The following ME2 variants were observed in gnomAD, a reference collection of about 807,000 sequenced individuals.
ME2 encodes the protein malic enzyme 2.
A neutral mutation model predicts 73.7 loss-of-function variants in ME2; 60 were observed. The observed-to-expected ratio is 0.81, with a 90% CI of 0.66 to 1.01. The LOEUF (loss-of-function observed/expected upper bound fraction) is 1.01, where lower values mean the gene tolerates loss of function less well. Ranked by LOEUF, ME2 falls within the 50% of genes least tolerant of loss-of-function variation. ME2 has a pLI of 0.00. For synonymous variants in ME2, 199 were observed against 236.9 expected, an observed-to-expected ratio of 0.84 and a Z score of 1.47; for missense variants, 594 against 705.5, an observed-to-expected ratio of 0.84 and a Z score of 1.79.
chr18:50,905,912 C>T (rs1438407774), intron 2 of ME2, among the ~76,000 whole-genome samples: 1 of 152,166 alleles, frequency 6.6e-6, no homozygotes, highest in Non-Finnish European at 1.5e-5. Flanking sequence ...TAACCTAAAC[C>T]AGCCTTTTCA....
intron 1 of ME2, among the ~76,000 whole-genome samples, chr18:50,881,226 A>C (rs1003027562): frequency 2.0e-5 from 3 of 152,042 alleles, no homozygotes; most frequent in African/African-American, 7.2e-5. Flanking sequence ...GAGTAGAGAC[A>C]GGGTTTCACC....
At chr18:50,905,676 T>G (rs568445170) in intron 2 of ME2, among the ~76,000 whole-genome samples, 1 of 152,324 alleles carries the variant, frequency 6.6e-6, no homozygotes, top group South Asian at 2.1e-4. Context: ...ATAGGCAGGT[T>G]TAAATTTTTT....
rs148473421 is a variant in ME2 at position 50,917,518 on chromosome 18, A to G, written c.630+10A>G. 3 of 1,547,994 alleles carry G rather than the reference A, an allele frequency of 1.9e-6. No individual in the cohort carries two copies. Among genetic ancestry groups the G allele is most frequent in the South Asian group, 1.3e-5 (1 of 79,996 alleles). On this transcript the variant is annotated intron_variant, in intron 6 of 15. Coordinates refer to ENST00000321341, the MANE Select transcript of ME2 (RefSeq NM_002396.5). ...GGGAACTGATAATATCGTGAGTAAC[A>G]TCATTTTCCCCCTTTATCTTCCTCC...
chr18:50,890,681 C>T (rs970248732), intron 1 of ME2, among the ~76,000 whole-genome samples: 2 of 152,224 alleles, frequency 1.3e-5, no homozygotes, highest in African/African-American at 4.8e-5. Flanking sequence ...TTCTTATAAC[C>T]TTCCTCACCA....
At chr18:50,920,382 T>C in intron 7 of ME2, 74 bp from the exon 8 acceptor site, 2 of 1,011,524 alleles carry the variant, frequency 2.0e-6, no homozygotes, top group Admixed American at 2.6e-5. Flanking sequence ...AATGCTATCA[T>C]AGGGAATATT....
At chr18:50,929,372 C>G (rs1917638529) in intron 12 of ME2, among the ~76,000 whole-genome samples, 1 of 151,336 alleles carries the variant, frequency 6.6e-6, no homozygotes, top group Admixed American at 6.6e-5. Flanking sequence ...ACCTGTAGTC[C>G]CAGCTACTCA....
At chr18:50,936,109 GA>G (rs1424186240) in intron 13 of ME2, among the ~76,000 whole-genome samples, 1 of 151,996 alleles carries the variant, frequency 6.6e-6, no homozygotes, top group Middle Eastern at 3.2e-3. Context: ...ACAAAGAGAA[GA>G]ATATGAAAGC....
intron 6 of ME2, among the ~76,000 whole-genome samples, chr18:50,917,895 C>A (rs1917321505): frequency 6.6e-6 from 1 of 151,640 alleles, no homozygotes; most frequent in Admixed American, 6.6e-5. Flanking sequence ...TGCTTGAATG[C>A]AAAAGACAGA....
In ME2 at chr18:50,953,188, C is replaced by T. The variant is rs1409770755; in HGVS notation, c.*6004C>T. On this transcript the variant is annotated 3_prime_UTR_variant, in exon 16 of 16. Coordinates refer to ENST00000321341, the MANE Select transcript of ME2 (RefSeq NM_002396.5). ...AATCTCAGCTCACTGCAAGCTCCGCCTCCCGGGTTATGCCATTCTCCTGCC... is the reference window on the plus strand; with the variant it reads ...AATCTCAGCTCACTGCAAGCTCCGCTTCCCGGGTTATGCCATTCTCCTGCC... 6.6e-6 allele frequency: 1 copy of T among 152,044 alleles called. No individual in the cohort carries two copies. The highest frequency in any genetic ancestry group is 2.4e-5 in the African/African-American group (1 of 41,348). 9.4% of individuals were successfully genotyped at this position (152,044 alleles called of 1,614,324 possible). A position where few individuals can be genotyped will look rare whatever the true frequency, so the allele number is the denominator to read the frequency against.
Position 50,884,465 on chromosome 18 carries a change from A to C in ME2, c.-13+5157A>C, listed in dbSNP as rs564398229. Among the ~76,000 whole-genome samples the C allele has an allele frequency of 7.9e-5, 12 of 152,292 alleles. No homozygotes were observed. In the South Asian group the frequency reaches 2.5e-3, roughly 32 times the overall value. ...TGAGTTCAAGCAATTCTCCTGCTTC[A>C]GCCTCCCGAGTAGCTGGGACTACAG... On this transcript the variant is annotated intron_variant, in intron 1 of 15. Transcript: ENST00000321341.
intron 2 of ME2, among the ~76,000 whole-genome samples, chr18:50,905,563 G>T (rs549198802): frequency 1.3e-5 from 2 of 152,260 alleles, no homozygotes; most frequent in Non-Finnish European, 2.9e-5. Context: ...GGCACAGCTT[G>T]GTTTTGTACA....
Position 50,921,054 on chromosome 18 carries a change from A to AT in ME2, c.943-17dup. Reference sequence around the variant, plus strand: ...GCATCGTACTCTAGTATATATTAAAATTTATGTTTTGTTGAACAGGCTGCT... The same window carrying AT: ...GCATCGTACTCTAGTATATATTAAAATTTTATGTTTTGTTGAACAGGCTGCT... On this transcript the variant is annotated intron_variant, in intron 9 of 15. Transcript: ENST00000321341. 1 of 1,302,480 alleles carries AT rather than the reference A, an allele frequency of 7.7e-7. No homozygotes were observed. 80.7% of individuals were successfully genotyped at this position (1,302,480 alleles called of 1,614,324 possible). A position where few individuals can be genotyped will look rare whatever the true frequency, so the allele number is the denominator to read the frequency against.
chr18:50,928,270 A>G (rs1917611457), intron 12 of ME2, among the ~76,000 whole-genome samples: 2 of 144,584 alleles, frequency 1.4e-5, no homozygotes. Context: ...TTTTGAGATG[A>G]AGCGTCACTG....
At chr18:50,912,080 T>G (rs1346639284) in intron 3 of ME2, among the ~76,000 whole-genome samples, 1 of 151,990 alleles carries the variant, frequency 6.6e-6, no homozygotes, top group Non-Finnish European at 1.5e-5. Context: ...AGGAGAGGAA[T>G]AAATCAAGAA....
chr18:50,896,659 C>T (rs1241988240), intron 2 of ME2, among the ~76,000 whole-genome samples: 1 of 151,916 alleles, frequency 6.6e-6, no homozygotes, highest in African/African-American at 2.4e-5. Context: ...ATGAAATTTA[C>T]CTTTTGGGGA....
intron 1 of ME2, among the ~76,000 whole-genome samples, chr18:50,889,474 C>G (rs1231439227): frequency 2.0e-5 from 3 of 152,124 alleles, no homozygotes; most frequent in Non-Finnish European, 4.4e-5. Flanking sequence ...CAATGCCTTG[C>G]CCTCTACATC....
In ME2 at chr18:50,951,020, TAG is replaced by T. The variant is rs1918212379; in HGVS notation, c.*3840_*3841del. ...TACAGGCTGTTTACAAGAACAAAAA[TAG>T]AGAATTTTTGAACATATTTTTCTGA... On this transcript the variant is annotated 3_prime_UTR_variant, in exon 16 of 16. Transcript: ENST00000321341. 1 of 152,218 alleles carries T rather than the reference TAG, an allele frequency of 6.6e-6. No homozygotes were observed. Among genetic ancestry groups the T allele is most frequent in the African/African-American group, 2.4e-5 (1 of 41,456 alleles). 9.4% of individuals were successfully genotyped at this position (152,218 alleles called of 1,614,324 possible). A position where few individuals can be genotyped will look rare whatever the true frequency, so the allele number is the denominator to read the frequency against.
At position 50,943,344 on chromosome 18, in the gene ME2, G is replaced by A. The variant is rs187423196; in HGVS notation, c.1587+2958G>A. On this transcript the variant is annotated intron_variant, in intron 15 of 15. Transcript: ENST00000321341. ...AGGCCGAGTTTTACTCTGTCACCCA[G>A]GTTGGAGTGCAGCGACGTGATCTCA... Among the ~76,000 whole-genome samples the A allele has an allele frequency of 6.9e-3, 1,041 of 151,568 alleles. 7 individuals carry two copies. The highest frequency in any genetic ancestry group is 0.011 in the Non-Finnish European group (774 of 67,898).
chr18:50,929,950 G>A (rs1917654543), intron 12 of ME2, among the ~76,000 whole-genome samples: 1 of 152,062 alleles, frequency 6.6e-6, no homozygotes, highest in Admixed American at 6.6e-5. Context: ...AAATATTATT[G>A]TAATAAATGT....
Sources: allele counts gnomAD v4.1 joint callset (sites outside exome capture counted in the v4.1 genomes callset), GRCh38; gene constraint gnomAD v4.1.1; transcripts MANE v1.5; gene names NCBI Gene and HGNC (gene_info 2026-07-23, HGNC 2026-07-21).